ATF6: variants seen among roughly 807,000 people sequenced by gnomAD.
ATF6 encodes the protein activating transcription factor 6.
In ATF6, 53 loss-of-function variants were observed where a neutral mutation model predicts 83.6. The ratio of observed to expected loss-of-function variants is 0.63; its 90% CI spans 0.51 to 0.80. ATF6 has a LOEUF of 0.80. Among genes scored for constraint, ATF6 ranks in the 30% least tolerant of loss-of-function variants. The pLI, the probability that ATF6 is intolerant of heterozygous loss-of-function variation, is 0.00. For synonymous variants in ATF6, 288 were observed against 285.8 expected (o/e 1.01, Z -0.08); for missense variants, 744 against 797.9 (o/e 0.93, Z 0.81).
chr1:161,837,795 A>T (rs979105938), intron 9 of ATF6, among the ~76,000 whole-genome samples: 2 of 152,190 alleles, frequency 1.3e-5, no homozygotes, highest in African/African-American at 4.8e-5. Flanking sequence ...TGCGTGTTGT[A>T]TTAAGCCATT....
chr1:161,879,171 T>C (rs1049459889), intron 14 of ATF6, among the ~76,000 whole-genome samples: 2 of 152,108 alleles, frequency 1.3e-5, no homozygotes, highest in African/African-American at 2.4e-5. Flanking sequence ...AGAAGACACT[T>C]CTAACAGTTT....
chr1:161,804,879 G>T (rs552303369), intron 7 of ATF6, among the ~76,000 whole-genome samples: 1 of 151,770 alleles, frequency 6.6e-6, no homozygotes, highest in East Asian at 1.9e-4. Flanking sequence ...TCTTAAGGGG[G>T]ATCTGTAAAT....
intron 9 of ATF6, among the ~76,000 whole-genome samples, chr1:161,835,787 A>G (rs1686198563): frequency 6.6e-6 from 1 of 152,214 alleles, no homozygotes; most frequent in Admixed American, 6.5e-5. Flanking sequence ...ATTGCAGATT[A>G]TAGATTCCTT....
intron 15 of ATF6, among the ~76,000 whole-genome samples, chr1:161,926,285 C>G (rs946729275): frequency 2.6e-5 from 4 of 152,174 alleles, no homozygotes; most frequent in Admixed American, 2.6e-4. Flanking sequence ...CAAAACCTAG[C>G]AGCTGAAAGA....
At position 161,782,075 on chromosome 1, in the gene ATF6, G is replaced by A. The variant is rs72706043; in HGVS notation, c.247+76G>A. The A allele has an allele frequency of 9.8e-3, 10,219 of 1,043,694 alleles. 78 individuals carry two copies. Among genetic ancestry groups the A allele is most frequent in the Non-Finnish European group, 0.013 (8,821 of 696,866 alleles). The allele number at this position is 1,043,694 out of a possible 1,614,324, so 64.7% of individuals were successfully genotyped here. A position where few individuals can be genotyped will look rare whatever the true frequency, so the allele number is the denominator to read the frequency against. The stretch of plus-strand genomic sequence containing the variant: ...GTAGTTTGGTCATACTCAAAATTAG[G>A]TGGGGTTATTGGGCTATTCTGGTAG... On this transcript the variant is annotated intron_variant, in intron 3 of 15. Coordinates refer to ENST00000367942, the MANE Select transcript of ATF6 (RefSeq NM_007348.4).
Position 161,958,579 on chromosome 1 carries a change from C to T in ATF6, c.1938C>T (p.Asn646=), listed in dbSNP as rs1348193299. The T allele has an allele frequency of 6.2e-7, 1 of 1,613,958 alleles. No individual in the cohort carries two copies. The highest frequency in any genetic ancestry group is 8.5e-7 in the Non-Finnish European group (1 of 1,179,998). Residue 646 remains asparagine (N), a synonymous_variant, in exon 16 of 16, where the codon AAC becomes AAT. Transcript: ENST00000367942. ...YLRDQQRNQT[N]TFFGSPPAAT... is the part of the protein sequence containing the mutation. ...GAGATCAGCAGAGGAATCAAACCAA[C>T]ACCTTCTTTGGCTCCCCTCCCGCAG...
At position 161,866,458 on chromosome 1, in the gene ATF6, G is replaced by C. The variant is rs1687002340; in HGVS notation, c.1719+3146G>C. Among the ~76,000 whole-genome samples, 4 of 152,246 alleles carry C rather than the reference G, an allele frequency of 2.6e-5. No individual in the cohort carries two copies. In the South Asian group the frequency reaches 8.3e-4, roughly 32 times the overall value. ...GCAAGAAAAAATGCTTATGATCCCA[G>C]TACTCCAGACAAAGGTCCAAAGTGC... On this transcript the variant is annotated intron_variant, in intron 14 of 15. Transcript: ENST00000367942.
At chr1:161,768,225 C>CA (rs1684311814) in intron 1 of ATF6, among the ~76,000 whole-genome samples, 1 of 152,162 alleles carries the variant, frequency 6.6e-6, no homozygotes, top group South Asian at 2.1e-4. Context: ...TTCTGATACC[C>CA]AGGCTGCATT....
intron 1 of ATF6, among the ~76,000 whole-genome samples, chr1:161,769,464 T>A (rs1489561624): frequency 6.6e-6 from 1 of 152,152 alleles, no homozygotes; most frequent in Non-Finnish European, 1.5e-5. Context: ...ATGGCAGGGA[T>A]CCCCAGCCTT....
At chr1:161,783,260 G>T (rs996427852) in intron 3 of ATF6, among the ~76,000 whole-genome samples, 1 of 151,974 alleles carries the variant, frequency 6.6e-6, no homozygotes, top group Non-Finnish European at 1.5e-5. Context: ...CTAAATTCTT[G>T]GGGAGGGGAA....
At chr1:161,781,739 T>G (rs979444330) in intron 2 of ATF6, among the ~76,000 whole-genome samples, 173 bp from the exon 3 acceptor site, 2 of 152,252 alleles carry the variant, frequency 1.3e-5, no homozygotes, top group Non-Finnish European at 2.9e-5. Flanking sequence ...GAATTGATTT[T>G]ATCTCTAGGC....
intron 12 of ATF6, among the ~76,000 whole-genome samples, chr1:161,855,161 T>C (rs1686730000): frequency 6.6e-6 from 1 of 152,082 alleles, no homozygotes; most frequent in African/African-American, 2.4e-5. Context: ...AATTAGTAGT[T>C]GCTACATAAA....
At chr1:161,948,347 A>G (rs961084275) in intron 15 of ATF6, among the ~76,000 whole-genome samples, 2 of 152,210 alleles carry the variant, frequency 1.3e-5, no homozygotes, top group Non-Finnish European at 2.9e-5. Flanking sequence ...CTTTTCCAGA[A>G]TTAATATTTT....
chr1:161,808,244 A>G (rs1438690684), intron 7 of ATF6, among the ~76,000 whole-genome samples: 2 of 152,148 alleles, frequency 1.3e-5, no homozygotes, highest in Non-Finnish European at 2.9e-5. Context: ...ATCTTAATAA[A>G]CAATGAAATA....
intron 14 of ATF6, among the ~76,000 whole-genome samples, chr1:161,903,097 A>T (rs996724355): frequency 6.6e-6 from 1 of 152,014 alleles, no homozygotes; most frequent in Non-Finnish European, 1.5e-5. Flanking sequence ...GTTTCTTCCA[A>T]CTCTGCTCTC....
intron 12 of ATF6, among the ~76,000 whole-genome samples, chr1:161,856,595 C>T (rs1382111876): frequency 6.6e-6 from 1 of 152,186 alleles, no homozygotes; most frequent in Non-Finnish European, 1.5e-5. Context: ...AGGTTTCAGG[C>T]TTCCATCCTT....
Position 161,964,008 on chromosome 1 carries a change from T to C in ATF6, c.*5354T>C, listed in dbSNP as rs148339559. The C allele has an allele frequency of 1.3e-5, 2 of 152,312 alleles. No homozygotes were observed. The highest frequency in any genetic ancestry group is 4.8e-5 in the African/African-American group (2 of 41,560). 9.4% of individuals were successfully genotyped at this position (152,312 alleles called of 1,614,324 possible). On this transcript the variant is annotated 3_prime_UTR_variant, in exon 16 of 16. Transcript: ENST00000367942. ...AATAACAACAGACTATTTCATACTT[T>C]CAAGCAAGTCTTTATACTACCTGTT...
intron 2 of ATF6, 59 bp downstream of exon 2, chr1:161,778,379 A>G (rs1684568474): frequency 2.2e-6 from 3 of 1,359,122 alleles, no homozygotes; most frequent in Non-Finnish European, 3.1e-6. Flanking sequence ...AATTATTGCA[A>G]GAAAGTTTCA....
chr1:161,809,839 CTTT>C (rs1685410686), intron 7 of ATF6, among the ~76,000 whole-genome samples: 1 of 152,162 alleles, frequency 6.6e-6, no homozygotes, highest in Non-Finnish European at 1.5e-5. Context: ...TAAATGTCTT[CTTT>C]TGAGAAGTGT....
Sources: allele counts gnomAD v4.1 joint callset (sites outside exome capture counted in the v4.1 genomes callset), GRCh38; gene constraint gnomAD v4.1.1; transcripts MANE v1.5; gene names NCBI Gene and HGNC (gene_info 2026-07-23, HGNC 2026-07-21).